ADCY7: variants seen among roughly 807,000 people sequenced by gnomAD.
ADCY7 encodes adenylate cyclase 7, also known as adenylate cyclase type 7.
A neutral mutation model predicts 120.6 loss-of-function variants in ADCY7; 72 were observed. The ratio of observed to expected loss-of-function variants is 0.60; its 90% CI spans 0.49 to 0.73. The LOEUF (loss-of-function observed/expected upper bound fraction) is 0.73, where lower values mean the gene tolerates loss of function less well. Among genes scored for constraint, ADCY7 ranks in the 30% least tolerant of loss-of-function variants. The probability of loss-of-function intolerance (pLI) is 0.00; values close to 1 mark genes in which losing one functional copy is unlikely to be tolerated. For synonymous variants in ADCY7, 661 were observed against 628.0 expected (o/e 1.05, Z -0.78); for missense variants, 1,227 against 1,486.0 (o/e 0.83, Z 2.87).
upstream of ADCY7, among the ~76,000 whole-genome samples, chr16:50,265,300 G>A (rs1213896339): frequency 6.6e-6 from 1 of 152,176 alleles, no homozygotes; most frequent in East Asian, 1.9e-4. Context: ...ATAGGAGGGC[G>A]ACCCTGATGG....
At position 50,313,812 on chromosome 16, in the gene ADCY7, G is replaced by A. The variant is rs369485853; in HGVS notation, c.2752-146G>A. 3 of 644,812 alleles carry A rather than the reference G, an allele frequency of 4.7e-6. No homozygotes were observed. The South Asian group carries it at 5.7e-5, about 12-fold the overall frequency. 39.9% of individuals were successfully genotyped at this position (644,812 alleles called of 1,614,324 possible). ...CCATGTCCTCACCATGCTTAGTCATGCGCTCAGCTGGCAGGGCAGCCATGA... is the reference window on the plus strand; with the variant it reads ...CCATGTCCTCACCATGCTTAGTCATACGCTCAGCTGGCAGGGCAGCCATGA... On this transcript the variant is annotated intron_variant, in intron 22 of 25. Transcript: ENST00000673801.
intron 18 of ADCY7, 188 bp from the exon 19 acceptor site, chr16:50,310,499 G>A (rs2036385159): frequency 2.6e-6 from 4 of 1,537,314 alleles, no homozygotes; most frequent in Admixed American, 2.0e-5. Flanking sequence ...CACTTCATAA[G>A]AAATAAAACT....
intron 1 of ADCY7, among the ~76,000 whole-genome samples, chr16:50,275,683 C>T (rs368628575): frequency 5.3e-5 from 8 of 152,128 alleles, no homozygotes; most frequent in Non-Finnish European, 8.8e-5. Context: ...TGTGTGGCTG[C>T]GCATATGTAG....
intron 1 of ADCY7, 47 bp from the exon 2 acceptor site, chr16:50,287,865 C>G: frequency 3.1e-6 from 1 of 325,920 alleles, no homozygotes; most frequent in Admixed American, 4.9e-5. Flanking sequence ...TAGCCCTCCC[C>G]TGACTTGGAC....
chr16:50,314,556 G>C (rs922668075), intron 24 of ADCY7, 150 bp downstream of exon 24: 2 of 615,452 alleles, frequency 3.2e-6, no homozygotes, highest in Non-Finnish European at 5.7e-6. Context: ...CAATTATTCT[G>C]ATGTTTTGCA....
intron 15 of ADCY7, among the ~76,000 whole-genome samples, chr16:50,307,597 G>A (rs2036153906): frequency 6.6e-6 from 1 of 152,194 alleles, no homozygotes; most frequent in South Asian, 2.1e-4. Flanking sequence ...GGATGAGGGT[G>A]AAGTCAGAGG....
chr16:50,245,667 G>A (rs927831265), upstream of ADCY7, among the ~76,000 whole-genome samples: 8 of 152,190 alleles, frequency 5.3e-5, no homozygotes, highest in African/African-American at 1.9e-4. Flanking sequence ...ACGTAAGGCG[G>A]GACCAAAGCT....
chr16:50,283,836 G>T (rs1215906514), intron 1 of ADCY7, among the ~76,000 whole-genome samples: 1 of 152,176 alleles, frequency 6.6e-6, no homozygotes, highest in Non-Finnish European at 1.5e-5. Flanking sequence ...CTTGCCTTGA[G>T]CTAAGGGAGG....
chr16:50,290,111 G>A (rs2034844694), intron 2 of ADCY7, among the ~76,000 whole-genome samples: 1 of 152,246 alleles, frequency 6.6e-6, no homozygotes, highest in Non-Finnish European at 1.5e-5. Flanking sequence ...ACAAGGCTCT[G>A]CCTGTGAATG....
chr16:50,255,402 G>GAAAAAAAAAAAA (rs60335173), intron 1 of ADCY7, among the ~76,000 whole-genome samples: 8 of 108,132 alleles, frequency 7.4e-5, no homozygotes, highest in African/African-American at 2.9e-4. Context: ...TCTGTTTCTG[G>GAAAAAAAAAAAA]AAAAAAAAAA....
intron 15 of ADCY7, among the ~76,000 whole-genome samples, chr16:50,308,039 T>A (rs1389149317): frequency 1.4e-5 from 2 of 144,574 alleles, no homozygotes; most frequent in Non-Finnish European, 3.0e-5. Flanking sequence ...TAATAGGGAA[T>A]GCGTTTTTAC....
rs182801202 is a variant in ADCY7 at position 50,300,894 on chromosome 16, C to T, written c.1235+21C>T. On this transcript the variant is annotated intron_variant, in intron 9 of 25. Transcript: ENST00000673801. ...CCCGGGTGAGGCTGGGCTGGGTAGC[C>T]GCAGGGACAGAGGCCTGGGGCTGGC... The T allele has an allele frequency of 1.1e-3, 1,635 of 1,552,614 alleles. 14 individuals carry two copies. The African/African-American group carries it at 0.02, about 19-fold the overall frequency.
chr16:50,255,203 G>A (rs2032873575), intron 1 of ADCY7, among the ~76,000 whole-genome samples: 1 of 151,292 alleles, frequency 6.6e-6, no homozygotes, highest in Non-Finnish European at 1.5e-5. Context: ...AGGCTGAGGT[G>A]GGAGGATTGC....
chr16:50,278,460 A>G (rs1353500292), intron 1 of ADCY7, among the ~76,000 whole-genome samples: 1 of 152,210 alleles, frequency 6.6e-6, no homozygotes, highest in East Asian at 1.9e-4. Context: ...CTCTTTACAT[A>G]TGAAGGAGAT....
chr16:50,296,296 A>G (rs1596929683), intron 7 of ADCY7, among the ~76,000 whole-genome samples: 1 of 149,986 alleles, frequency 6.7e-6, no homozygotes, highest in Non-Finnish European at 1.5e-5. Flanking sequence ...CAAGTGATCC[A>G]CCCACCTCAG....
chr16:50,303,583 G>A (rs540972510), intron 10 of ADCY7, among the ~76,000 whole-genome samples: 3 of 152,138 alleles, frequency 2.0e-5, no homozygotes, highest in African/African-American at 7.2e-5. Flanking sequence ...ACTGGCGAAG[G>A]CCTCAGGCAT....
intron 7 of ADCY7, among the ~76,000 whole-genome samples, chr16:50,296,598 C>T (rs1212630862): frequency 2.0e-5 from 3 of 151,956 alleles, no homozygotes; most frequent in South Asian, 2.1e-4. Flanking sequence ...CCTTGTGATC[C>T]GCCTGCCTCG....
intron 7 of ADCY7, among the ~76,000 whole-genome samples, chr16:50,295,252 C>T (rs1338886849): frequency 6.6e-6 from 1 of 151,764 alleles, no homozygotes; most frequent in Non-Finnish European, 1.5e-5. Flanking sequence ...CATCACTGCT[C>T]ACTGCAGCCT....
chr16:50,310,121 C>A (rs2036353609), intron 18 of ADCY7, among the ~76,000 whole-genome samples: 1 of 152,112 alleles, frequency 6.6e-6, no homozygotes, highest in Admixed American at 6.5e-5. Flanking sequence ...GAGCTGGGCT[C>A]TAAAAGGCAG....
Sources: gnomAD v4.1 joint callset for allele counts (sites outside exome capture counted in the v4.1 genomes callset) on GRCh38, gnomAD v4.1.1 for gene constraint, MANE v1.5 for transcripts, NCBI Gene and HGNC (gene_info 2026-07-23, HGNC 2026-07-21) for gene names.